The following TSHZ2 variants were observed in gnomAD, a reference collection of about 807,000 sequenced individuals.
TSHZ2 encodes the protein teashirt homolog 2.
In TSHZ2, 21 loss-of-function variants were observed where a neutral mutation model predicts 74.4. That is an observed-to-expected ratio of 0.28 (90% CI 0.20 to 0.41). TSHZ2 has a LOEUF of 0.41. TSHZ2 is among the 10% of genes least tolerant of loss of function. The probability of loss-of-function intolerance (pLI) is 1.00; values close to 1 mark genes in which losing one functional copy is unlikely to be tolerated. For missense variants in TSHZ2, 1,244 were observed against 1,293.5 expected, an observed-to-expected ratio of 0.96 and a Z score of 0.59; for synonymous variants, 540 against 515.3, an observed-to-expected ratio of 1.05 and a Z score of -0.65.
intron 1 of TSHZ2, among the ~76,000 whole-genome samples, chr20:52,999,100 CACT>C (rs1982314445): frequency 7.4e-5 from 4 of 53,838 alleles, no homozygotes; most frequent in Middle Eastern, 7.7e-3. Context: ...TTCTACTCTT[CACT>C]GCCACATTCC....
At chr20:53,451,239 ACT>A (rs1361715106) in intron 2 of TSHZ2, among the ~76,000 whole-genome samples, 2 of 152,128 alleles carry the variant, frequency 1.3e-5, no homozygotes, top group African/African-American at 4.8e-5. Context: ...CTGGTTTATA[ACT>A]CTCTCGATCT....
chr20:53,226,466 C>G (rs1160743748), intron 1 of TSHZ2, among the ~76,000 whole-genome samples: 2 of 150,770 alleles, frequency 1.3e-5, no homozygotes, highest in Non-Finnish European at 2.9e-5. Flanking sequence ...GTGTAACTCT[C>G]TCTCTTAATT....
chr20:53,416,136 G>A (rs1427044759), intron 2 of TSHZ2, among the ~76,000 whole-genome samples: 4 of 152,184 alleles, frequency 2.6e-5, no homozygotes, highest in Non-Finnish European at 4.4e-5. Context: ...GAGGCCATGT[G>A]AGGCCACTGC....
At position 53,254,332 on chromosome 20, in the gene TSHZ2, G is replaced by T; in HGVS notation, c.874G>T (p.Val292Phe). 1 of 1,614,138 alleles carries T rather than the reference G, an allele frequency of 6.2e-7. No individual in the cohort carries two copies. Among genetic ancestry groups the T allele is most frequent in the African/African-American group, 1.3e-5 (1 of 75,024 alleles). ...DSFDSLQDLS[V>F]HMIKTKHYQK... ...CTTTGATTCCCTCCAAGATTTGAGC[G>T]TCCACATGATTAAAACAAAACATTA... Residue 292 changes from valine (V) to phenylalanine (F), a missense_variant, in exon 2 of 3, where the codon GTC (valine) becomes TTC (phenylalanine). Physicochemically the swap from Val to Phe is conservative, Grantham distance 50 (BLOSUM62 -1). Coordinates refer to ENST00000371497, the MANE Select transcript of TSHZ2 (RefSeq NM_173485.6).
intron 1 of TSHZ2, among the ~76,000 whole-genome samples, chr20:53,033,716 G>C (rs1009326139): frequency 7.3e-6 from 1 of 136,066 alleles, no homozygotes; most frequent in African/African-American, 2.8e-5. Context: ...CTGGAGTGCA[G>C]TGGTGTGATC....
rs1003581217 is a variant in TSHZ2 at position 53,492,807 on chromosome 20, A to G, written c.*5672A>G. On this transcript the variant is annotated 3_prime_UTR_variant, in exon 3 of 3. Transcript: ENST00000371497. The stretch of plus-strand genomic sequence containing the variant: ...TTTCTTTTAGAAAGGGCAGGGGGGA[A>G]GTGGGTCAGAGCAAGGTTCAAGAAT... 2 of 152,138 alleles carry G rather than the reference A, an allele frequency of 1.3e-5. No individual in the cohort carries two copies. Among genetic ancestry groups the G allele is most frequent in the African/African-American group, 2.4e-5 (1 of 41,436 alleles). The allele number at this position is 152,138 out of a possible 1,614,324, so 9.4% of individuals were successfully genotyped here. A position where few individuals can be genotyped will look rare whatever the true frequency, so the allele number is the denominator to read the frequency against.
intron 1 of TSHZ2, among the ~76,000 whole-genome samples, chr20:52,985,058 T>C (rs1231794909): frequency 6.6e-6 from 1 of 152,202 alleles, no homozygotes; most frequent in Admixed American, 6.5e-5. Context: ...GAACTGACCG[T>C]ACAGGGAAAG....
intron 1 of TSHZ2, among the ~76,000 whole-genome samples, chr20:52,997,263 G>GGT (rs1555813119): frequency 1.3e-5 from 2 of 151,410 alleles, no homozygotes; most frequent in African/African-American, 2.4e-5. Context: ...TTGCCCCGGG[G>GGT]GGGGGTTCAG....
At chr20:53,481,070 G>T (rs1986135192) in intron 2 of TSHZ2, among the ~76,000 whole-genome samples, 1 of 151,446 alleles carries the variant, frequency 6.6e-6, no homozygotes, top group Non-Finnish European at 1.5e-5. Context: ...GCAAAGCCCA[G>T]CCTCAACTAC....
rs796256263 is a variant in TSHZ2 at position 53,469,051 on chromosome 20, A to T, written c.*9-18093A>T. 2.7e-4 allele frequency among the ~76,000 whole-genome samples: 21 copies of T among 79,068 alleles called. 1 individual carries two copies. Among genetic ancestry groups the T allele is most frequent in the East Asian group, 1.1e-3 (3 of 2,690 alleles). The allele number at this position is 79,068 out of a possible 152,430, so 51.9% of individuals were successfully genotyped here. ...AGGCTCTGAAATCGATATTTTATAT[A>T]TATATATATATATATATATATATAT... On this transcript the variant is annotated intron_variant, in intron 2 of 2. Transcript: ENST00000371497.
chr20:52,984,888 A>G (rs1410356975), intron 1 of TSHZ2, among the ~76,000 whole-genome samples: 1 of 152,210 alleles, frequency 6.6e-6, no homozygotes, highest in East Asian at 1.9e-4. Flanking sequence ...AAAGCTGTCC[A>G]GGAGAAATCA....
chr20:53,155,094 A>G (rs1270558117), intron 1 of TSHZ2, among the ~76,000 whole-genome samples: 1 of 143,646 alleles, frequency 7.0e-6, no homozygotes. Flanking sequence ...CAGGAACTAC[A>G]TAAAGGTTAA....
chr20:53,479,139 T>C (rs1292020964), intron 2 of TSHZ2, among the ~76,000 whole-genome samples: 1 of 146,528 alleles, frequency 6.8e-6, no homozygotes, highest in Non-Finnish European at 1.5e-5. Context: ...CACTCCAGCC[T>C]GGGCAACAGG....
At chr20:53,052,713 T>C (rs1984516418) in intron 1 of TSHZ2, among the ~76,000 whole-genome samples, 1 of 152,194 alleles carries the variant, frequency 6.6e-6, no homozygotes, top group Non-Finnish European at 1.5e-5. Context: ...ACACATGGGT[T>C]ACTTCCACCT....
rs554691767 is a variant in TSHZ2, at chr20:53,152,149, C to T, written c.41-101350C>T. On this transcript the variant is annotated intron_variant, in intron 1 of 2. Transcript: ENST00000371497. ...CAACATCCCTGAAGTTAGGATGCAT[C>T]CTCCATTCTTCATTGTACAATAGTT... Among the ~76,000 whole-genome samples the T allele has an allele frequency of 1.7e-3, 265 of 152,248 alleles. 1 individual carries two copies. Among genetic ancestry groups the T allele is most frequent in the South Asian group, 2.9e-3 (14 of 4,826 alleles).
chr20:53,144,843 A>T (rs1271916586), intron 1 of TSHZ2, among the ~76,000 whole-genome samples: 1 of 151,326 alleles, frequency 6.6e-6, no homozygotes, highest in African/African-American at 2.4e-5. Context: ...AAGATGAATT[A>T]AATATATATA....
intron 1 of TSHZ2, among the ~76,000 whole-genome samples, chr20:53,142,823 GA>G (rs34283169): frequency 0.32 from 44,595 of 141,246 alleles, 6,643 homozygotes; most frequent in Non-Finnish European, 0.35. Flanking sequence ...GTATTAAGAT[GA>G]AAAAAAAAAA....
intron 2 of TSHZ2, among the ~76,000 whole-genome samples, chr20:53,472,463 G>A (rs879816183): frequency 4.6e-5 from 7 of 152,190 alleles, no homozygotes; most frequent in Admixed American, 4.6e-4. Context: ...ACAGAATAAG[G>A]ATTGGGGGTG....
At chr20:53,078,390 C>T (rs977219485) in intron 1 of TSHZ2, among the ~76,000 whole-genome samples, 1 of 152,128 alleles carries the variant, frequency 6.6e-6, no homozygotes, top group Non-Finnish European at 1.5e-5. Flanking sequence ...CCAAGAACTA[C>T]AGTATGCCTG....
Sources: allele counts gnomAD v4.1 joint callset (sites outside exome capture counted in the v4.1 genomes callset), GRCh38; gene constraint gnomAD v4.1.1; transcripts MANE v1.5; gene names NCBI Gene and HGNC (gene_info 2026-07-23, HGNC 2026-07-21).